The following HACD4 variants were observed in gnomAD, a reference collection of about 807,000 sequenced individuals.
HACD4 encodes very-long-chain (3R)-3-hydroxyacyl-CoA dehydratase 4.
Under a neutral mutation model 33.3 loss-of-function variants are expected in HACD4, and 35 were observed. The ratio of observed to expected loss-of-function variants is 1.05; its 90% CI spans 0.80 to 1.39. HACD4 has a LOEUF of 1.39. Ranked by LOEUF, HACD4 falls within the 40% of genes most tolerant of loss-of-function variation. The pLI is 0.00. For synonymous variants in HACD4, 118 were observed against 98.0 expected, an observed-to-expected ratio of 1.20 and a Z score of -1.21; for missense variants, 323 against 276.5, an observed-to-expected ratio of 1.17 and a Z score of -1.19.
chr9:21,003,326 TTC>T lies in HACD4; in HGVS notation c.*3709_*3710del, dbSNP rs1842196362. 6.6e-6 allele frequency: 1 copy of T among 152,060 alleles called. No homozygotes were observed. Among genetic ancestry groups the T allele is most frequent in the Admixed American group, 6.5e-5 (1 of 15,268 alleles). 9.4% of individuals were successfully genotyped at this position (152,060 alleles called of 1,614,324 possible). On this transcript the variant is annotated 3_prime_UTR_variant, in exon 7 of 7. Transcript: ENST00000495827. Reference sequence around the variant, plus strand: ...CCAGTAAAGTGTAGTTTCTCTAATTTTCTCTTTGTTTTAGTGATTGATTGTAC... The same window carrying T: ...CCAGTAAAGTGTAGTTTCTCTAATTTTCTTTGTTTTAGTGATTGATTGTAC...
rs976997018 is a variant in HACD4 at position 21,003,933 on chromosome 9, T to C, written c.*3104A>G. 2 of 152,232 alleles carry C rather than the reference T, an allele frequency of 1.3e-5. No individual in the cohort carries two copies. Among genetic ancestry groups the C allele is most frequent in the African/African-American group, 4.8e-5 (2 of 41,460 alleles). The allele number at this position is 152,232 out of a possible 1,614,324, so 9.4% of individuals were successfully genotyped here. ...CCTTTTATCTTCCTGTATGTGTGTG[T>C]CATTATTTTTAAAATTAAAAAGAAT... On this transcript the variant is annotated 3_prime_UTR_variant, in exon 7 of 7. Coordinates refer to ENST00000495827, the MANE Select transcript of HACD4 (RefSeq NM_001010915.5).
chr9:21,029,272 A>G, intron 2 of HACD4, 23 bp downstream of exon 2: 1 of 1,361,840 alleles, frequency 7.3e-7, no homozygotes. Context: ...GTTAAAAATA[A>G]AAAAACTGTT....
intron 1 of HACD4, among the ~76,000 whole-genome samples, chr9:21,029,896 T>C (rs1818163380): frequency 6.6e-6 from 1 of 152,198 alleles, no homozygotes. Context: ...ATATCATACC[T>C]GCACATCGCT....
At chr9:21,011,476 G>T in intron 5 of HACD4, 113 bp downstream of exon 5, 1 of 699,772 alleles carries the variant, frequency 1.4e-6, no homozygotes, top group Non-Finnish European at 2.6e-6. Flanking sequence ...AGGATACACT[G>T]AGTGAGCTAA....
chr9:21,025,985 G>A (rs1025151563), intron 3 of HACD4, among the ~76,000 whole-genome samples: 2 of 152,112 alleles, frequency 1.3e-5, no homozygotes, highest in Non-Finnish European at 1.5e-5. Context: ...ATTTGAATCC[G>A]GGTCTGTGTG....
intron 3 of HACD4, among the ~76,000 whole-genome samples, chr9:21,020,288 A>G (rs1457613979): frequency 2.0e-5 from 3 of 152,168 alleles, no homozygotes; most frequent in Non-Finnish European, 4.4e-5. Context: ...CAAATGAAAT[A>G]TTGGCATTTA....
Position 21,007,046 on chromosome 9 carries a change from CT to C in HACD4, c.689del (p.Lys230ArgfsTer45), listed in dbSNP as rs768797944. The part of the protein sequence containing the change: ...DILGIFPIKK[K>X]KM ...ACTGGAATGCTGTACTTCACATCTT[CT>C]TTTTTTTAATGGGAAAGATTCCGAG... On this transcript the variant is annotated frameshift_variant, in exon 7 of 7. Coordinates refer to ENST00000495827, the MANE Select transcript of HACD4 (RefSeq NM_001010915.5). LOFTEE classifies it high-confidence loss of function. 5.1e-5 allele frequency: 79 copies of C among 1,553,750 alleles called. No homozygotes were observed. Among genetic ancestry groups the C allele is most frequent in the East Asian group, 2.3e-4 (10 of 44,362 alleles).
rs756736804 is a variant in HACD4, at chr9:21,008,127, C to T, written c.510G>A (p.Ser170=). Residue 170 remains serine, a synonymous_variant, in exon 6 of 7, where the codon TCG becomes TCA. Transcript: ENST00000495827. ...VLAEAFAIYQ[S]LPYFESFGTY... ...TGCCAAATGATTCAAAATAAGGCAGCGATTGATAGATGGCAAATGCTGTTA... is the reference window on the plus strand; with the variant it reads ...TGCCAAATGATTCAAAATAAGGCAGTGATTGATAGATGGCAAATGCTGTTA... 5 of 1,604,058 alleles carry T rather than the reference C, an allele frequency of 3.1e-6. No individual in the cohort carries two copies. In the South Asian group the frequency reaches 5.6e-5, roughly 18 times the overall value.
chr9:21,017,044 T>C (rs1842572929), intron 3 of HACD4, among the ~76,000 whole-genome samples: 2 of 152,208 alleles, frequency 1.3e-5, no homozygotes, highest in Admixed American at 6.5e-5. Context: ...ATAAAATGTT[T>C]TACTTGCTCT....
In HACD4 at chr9:21,007,911, T is replaced by C. The variant is rs934367970; in HGVS notation, c.616+110A>G. On this transcript the variant is annotated intron_variant, in intron 6 of 6. Coordinates refer to ENST00000495827, the MANE Select transcript of HACD4 (RefSeq NM_001010915.5). ...CAAGATCTAGTTCATGATGTCAGGC[T>C]TCCTCTTTGGTCTCTCCCATGTTTA... 4.2e-6 allele frequency: 4 copies of C among 943,774 alleles called. No homozygotes were observed. In the African/African-American group the frequency reaches 5.1e-5, roughly 12 times the overall value. 58.5% of individuals were successfully genotyped at this position (943,774 alleles called of 1,614,324 possible). A position where few individuals can be genotyped will look rare whatever the true frequency, so the allele number is the denominator to read the frequency against.
rs1276237119 is a variant in HACD4 at position 21,002,290 on chromosome 9, G to A, written c.*4747C>T. 3.3e-5 allele frequency: 5 copies of A among 152,174 alleles called. No individual in the cohort carries two copies. Among genetic ancestry groups the A allele is most frequent in the African/African-American group, 1.2e-4 (5 of 41,538 alleles). The allele number at this position is 152,174 out of a possible 1,614,324, so 9.4% of individuals were successfully genotyped here. Reference sequence around the variant, plus strand: ...AAAAAGTAAACTACACACAAAAGACGTAATGCAGGAAATGAGGGACAAAAA... The same window carrying A: ...AAAAAGTAAACTACACACAAAAGACATAATGCAGGAAATGAGGGACAAAAA... On this transcript the variant is annotated 3_prime_UTR_variant, in exon 7 of 7. Coordinates refer to ENST00000495827, the MANE Select transcript of HACD4 (RefSeq NM_001010915.5).
chr9:21,022,783 G>A (rs1051074415), intron 3 of HACD4, among the ~76,000 whole-genome samples: 1 of 151,990 alleles, frequency 6.6e-6, no homozygotes, highest in African/African-American at 2.4e-5. Flanking sequence ...CTGTAAACTA[G>A]TTCAACCGTT....
At position 21,003,293 on chromosome 9, in the gene HACD4, A is replaced by T. The variant is rs908808424; in HGVS notation, c.*3744T>A. The T allele has an allele frequency of 6.6e-6, 1 of 152,128 alleles. No individual in the cohort carries two copies. Among genetic ancestry groups the T allele is most frequent in the Non-Finnish European group, 1.5e-5 (1 of 68,004 alleles). 9.4% of individuals were successfully genotyped at this position (152,128 alleles called of 1,614,324 possible). On this transcript the variant is annotated 3_prime_UTR_variant, in exon 7 of 7. Transcript: ENST00000495827. ...TTTAATAATGAAATTTTAATTTATT[A>T]TAATGACCCAGTAAAGTGTAGTTTC...
At chr9:21,014,821 C>T (rs1213368165) in intron 4 of HACD4, among the ~76,000 whole-genome samples, 1 of 152,180 alleles carries the variant, frequency 6.6e-6, no homozygotes, top group African/African-American at 2.4e-5. Flanking sequence ...TCTTCTACCT[C>T]TATGTCCAAA....
At chr9:21,014,497 A>C (rs1048931702) in intron 4 of HACD4, among the ~76,000 whole-genome samples, 2 of 152,188 alleles carry the variant, frequency 1.3e-5, no homozygotes, top group African/African-American at 4.8e-5. Flanking sequence ...ATTTATATGA[A>C]CTTTCCAGGA....
rs1318407018 is a variant in HACD4, at chr9:21,006,381, C to T, written c.*656G>A. ...GGGCCCTCACCAGAAACTGCATTAGCTGATGCCTTGATCCTGAGCGGAATT... is the reference window on the plus strand; with the variant it reads ...GGGCCCTCACCAGAAACTGCATTAGTTGATGCCTTGATCCTGAGCGGAATT... On this transcript the variant is annotated 3_prime_UTR_variant, in exon 7 of 7. Transcript: ENST00000495827. The surrounding 1 kb of genome is among the most constrained non-coding windows in gnomAD (Gnocchi z 4.6). 1 of 152,858 alleles carries T rather than the reference C, an allele frequency of 6.5e-6. No individual in the cohort carries two copies. Among genetic ancestry groups the T allele is most frequent in the Non-Finnish European group, 1.5e-5 (1 of 68,624 alleles). 9.5% of individuals were successfully genotyped at this position (152,858 alleles called of 1,614,324 possible). A position where few individuals can be genotyped will look rare whatever the true frequency, so the allele number is the denominator to read the frequency against.
At chr9:21,027,553 C>T (rs1266994135) in intron 2 of HACD4, among the ~76,000 whole-genome samples, 1 of 152,186 alleles carries the variant, frequency 6.6e-6, no homozygotes, top group African/African-American at 2.4e-5. Flanking sequence ...TCATCATCCC[C>T]ATTTCAGAGA....
At position 20,999,581 on chromosome 9, in the gene HACD4, T is replaced by A. The variant is rs1376533479; in HGVS notation, c.*7456A>T. 1 of 151,054 alleles carries A rather than the reference T, an allele frequency of 6.6e-6. No homozygotes were observed. Among genetic ancestry groups the A allele is most frequent in the Non-Finnish European group, 1.5e-5 (1 of 67,886 alleles). 9.4% of individuals were successfully genotyped at this position (151,054 alleles called of 1,614,324 possible). A position where few individuals can be genotyped will look rare whatever the true frequency, so the allele number is the denominator to read the frequency against. On this transcript the variant is annotated 3_prime_UTR_variant, in exon 7 of 7. Transcript: ENST00000495827. ...CAATTAAAATATTCTAGAAGTAGCATGTTAAGATACTTATATAAGTTGAAA... is the reference window on the plus strand; with the variant it reads ...CAATTAAAATATTCTAGAAGTAGCAAGTTAAGATACTTATATAAGTTGAAA...
In HACD4 at chr9:21,008,713, A is replaced by C. The variant is rs542863452; in HGVS notation, c.491-567T>G. 3.0e-3 allele frequency among the ~76,000 whole-genome samples: 460 copies of C among 152,192 alleles called. 3 individuals carry two copies. Among genetic ancestry groups the C allele is most frequent in the African/African-American group, 0.011 (446 of 41,538 alleles). On this transcript the variant is annotated intron_variant, in intron 5 of 6. Coordinates refer to ENST00000495827, the MANE Select transcript of HACD4 (RefSeq NM_001010915.5). ...TATTTTGAGGGAGGGGGCTGGTATC[A>C]GGTAAAAAAAAGATTAAAGTTCAGT...
Sources: allele counts gnomAD v4.1 joint callset (sites outside exome capture counted in the v4.1 genomes callset), GRCh38; gene constraint gnomAD v4.1.1; non-coding constraint Gnocchi (gnomAD v3.1); transcripts MANE v1.5; gene names NCBI Gene and HGNC (gene_info 2026-07-23, HGNC 2026-07-21).